PRR12: variants seen among roughly 807,000 people sequenced by gnomAD.
PRR12 encodes the protein proline rich 12.
In PRR12, 12 loss-of-function variants were observed where a neutral mutation model predicts 138.0. The ratio of observed to expected loss-of-function variants is 0.09; its 90% CI spans 0.06 to 0.14. PRR12 has a LOEUF of 0.14. Among genes scored for constraint, PRR12 ranks in the 10% least tolerant of loss-of-function variants. The probability of loss-of-function intolerance (pLI) is 1.00; values close to 1 mark genes in which losing one functional copy is unlikely to be tolerated. For missense variants in PRR12, 2,692 were observed against 2,861.3 expected (o/e 0.94, Z 1.35); for synonymous variants, 1,567 against 1,291.7 (o/e 1.21, Z -4.57).
At chr19:49,607,361 G>GCACACACACA (rs72175242) in intron 6 of PRR12, among the ~76,000 whole-genome samples, 3 of 147,760 alleles carry the variant, frequency 2.0e-5, no homozygotes, top group African/African-American at 7.6e-5. Flanking sequence ...ATGTACGTGT[G>GCACACACACA]CACACACACA....
Position 49,616,638 on chromosome 19 carries a change from G to T in PRR12, c.5497+419G>T, listed in dbSNP as rs1261989482. Among the ~76,000 whole-genome samples, 2 of 152,132 alleles carry T rather than the reference G, an allele frequency of 1.3e-5. No homozygotes were observed. Among genetic ancestry groups the T allele is most frequent in the African/African-American group, 2.4e-5 (1 of 41,428 alleles). On this transcript the variant is annotated intron_variant, in intron 9 of 13. Coordinates refer to ENST00000418929, the MANE Select transcript of PRR12 (RefSeq NM_020719.3). The surrounding 1 kb of genome is among the most constrained non-coding windows in gnomAD (Gnocchi z 4.2). ...GTGGGACTAGGCAGCTGTCCTGGAG[G>T]CTCTGTGATGGTGGGGTTTCCTGTG...
Position 49,625,481 on chromosome 19 carries a change from C to T in PRR12, c.5985C>T (p.Gly1995=), listed in dbSNP as rs751396785. The part of the protein sequence containing the change: ...CRDQTLAIEG[G]AEDLGQEEVV... ...TGCAGACCCTGGCCATCGAGGGCGGCGCCGAGGACCTGGGCCAGGAGGAGG... is the reference window on the plus strand; with the variant it reads ...TGCAGACCCTGGCCATCGAGGGCGGTGCCGAGGACCTGGGCCAGGAGGAGG... Residue 1995 remains glycine, a synonymous_variant, in exon 14 of 14, where the codon GGC becomes GGT. Coordinates refer to ENST00000418929, the MANE Select transcript of PRR12 (RefSeq NM_020719.3). The surrounding 1 kb of genome is among the most constrained non-coding windows in gnomAD (Gnocchi z 5.5). The T allele has an allele frequency of 3.4e-5, 55 of 1,608,646 alleles. No homozygotes were observed. The highest frequency in any genetic ancestry group is 2.0e-4 in the Admixed American group (12 of 59,442).
intron 6 of PRR12, among the ~76,000 whole-genome samples, chr19:49,611,628 TAA>T (rs528800605): frequency 7.3e-5 from 7 of 96,364 alleles, no homozygotes; most frequent in African/African-American, 1.2e-4. Flanking sequence ...AAACTCTATC[TAA>T]AAAAAAAAAA....
rs1337577773 is a variant in PRR12, at chr19:49,599,748, A to G, written c.4155A>G (p.Glu1385=). ...ETLPSFSSDE[E]DSVAKNRDLQ... is the part of the protein sequence containing the mutation. Reference sequence around the variant, plus strand: ...TGCCCTCCTTCTCCTCGGATGAGGAAGACTCTGTCGCCAAGAACCGAGACC... The same window carrying G: ...TGCCCTCCTTCTCCTCGGATGAGGAGGACTCTGTCGCCAAGAACCGAGACC... Residue 1385 remains glutamate (E), a synonymous_variant, in exon 5 of 14, where the codon GAA becomes GAG. Transcript: ENST00000418929. This position sits in a 1 kb window ranked among gnomAD's most constrained non-coding sequence, Gnocchi z 5.0. The G allele has an allele frequency of 6.2e-7, 1 of 1,613,596 alleles. No homozygotes were observed. The highest frequency in any genetic ancestry group is 8.5e-7 in the Non-Finnish European group (1 of 1,179,872).
rs977735748 is a variant in PRR12 at position 49,597,623 on chromosome 19, C to A, written c.3288C>A (p.Ala1096=). ...TCCAGACCCCCAAGAAGCTGTACGCCCAGGAGTACGAGTTCGAGGCGGACG... is the reference window on the plus strand; with the variant it reads ...TCCAGACCCCCAAGAAGCTGTACGCACAGGAGTACGAGTTCGAGGCGGACG... ...PPFQTPKKLY[A]QEYEFEADED... is the part of the protein sequence containing the mutation. Residue 1096 remains alanine (A), a synonymous_variant, in exon 4 of 14, where the codon GCC becomes GCA. Transcript: ENST00000418929. The surrounding 1 kb of genome is among the most constrained non-coding windows in gnomAD (Gnocchi z 6.3). 1.9e-6 allele frequency: 3 copies of A among 1,610,066 alleles called. No homozygotes were observed. Among genetic ancestry groups the A allele is most frequent in the African/African-American group, 2.7e-5 (2 of 74,856 alleles).
At chr19:49,602,427 G>A (rs529220446) in intron 6 of PRR12, among the ~76,000 whole-genome samples, 7 of 152,286 alleles carry the variant, frequency 4.6e-5, no homozygotes, top group Non-Finnish European at 1.0e-4. Context: ...GGCCGGACGC[G>A]GCAGCTTACA....
In PRR12 at chr19:49,594,679, G is replaced by A. The variant is rs751802253; in HGVS notation, c.362-18G>A. The A allele has an allele frequency of 6.8e-6, 11 of 1,610,920 alleles. 1 individual carries two copies. The highest frequency in any genetic ancestry group is 3.3e-5 in the South Asian group (3 of 91,048). ...TGGCTCGCTGTTCTCTCTGACGCGC[G>A]GTCTTCCTCATCTCCAGCCATGCAC... On this transcript the variant is annotated intron_variant, in intron 3 of 13. Transcript: ENST00000418929. The surrounding 1 kb of genome is among the most constrained non-coding windows in gnomAD (Gnocchi z 5.6).
At chr19:49,593,273 C>T in intron 1 of PRR12, 54 bp from the exon 2 acceptor site, 2 of 867,888 alleles carry the variant, frequency 2.3e-6, no homozygotes, top group Non-Finnish European at 3.6e-6. Flanking sequence ...TTCTGAGCTT[C>T]CTTCTCAGAA....
intron 6 of PRR12, among the ~76,000 whole-genome samples, chr19:49,609,297 C>G (rs2080853730): frequency 6.6e-6 from 1 of 151,936 alleles, no homozygotes; most frequent in Non-Finnish European, 1.5e-5. Context: ...CGGAGTGAGA[C>G]CGTCTCAAAA....
rs775080710 is a variant in PRR12, at chr19:49,621,526, C to T, written c.5625C>T (p.Asp1875=). ...DMIQALEDTH[D]ELYLPPMRKI... ...TGATACCATGTCCTCGTCCATCAGA[C>T]GAGCTGTACCTGCCCCCCATGCGGA... is the stretch of plus-strand genomic sequence containing the variant. Residue 1875 remains aspartate, a splice_region_variant and synonymous_variant, in exon 11 of 14, where the codon GAC becomes GAT. Transcript: ENST00000418929. The T allele has an allele frequency of 1.2e-5, 19 of 1,602,004 alleles. No homozygotes were observed. Among genetic ancestry groups the T allele is most frequent in the South Asian group, 5.6e-5 (5 of 88,674 alleles).
chr19:49,595,227 G>GGCCCC lies in PRR12; in HGVS notation c.892_893insGCCCC (p.Ala298GlyfsTer19). The stretch of plus-strand genomic sequence containing the variant: ...CAAGCACTACCAGCGGCCAGCCAGT[G>GGCCCC]CCCAGCCCCCACCACCCCCGCCACC... On this transcript the variant is annotated frameshift_variant, in exon 4 of 14. Coordinates refer to ENST00000418929, the MANE Select transcript of PRR12 (RefSeq NM_020719.3). LOFTEE classifies it high-confidence loss of function. 1.4e-5 allele frequency: 22 copies of GGCCCC among 1,552,216 alleles called. No individual in the cohort carries two copies. Among genetic ancestry groups the GGCCCC allele is most frequent in the Non-Finnish European group, 1.7e-5 (20 of 1,149,002 alleles).
rs2080915513 is a variant in PRR12, at chr19:49,620,355, G to A, written c.5501G>A (p.Arg1834Gln). 1.2e-6 allele frequency: 2 copies of A among 1,613,128 alleles called. No individual in the cohort carries two copies. The highest frequency in any genetic ancestry group is 1.7e-6 in the Non-Finnish European group (2 of 1,179,576). The change falls in exon 10 of 14, where the codon CGG becomes CAG. Residue 1834 changes from arginine to glutamine, a missense_variant. By Grantham distance (43) the Arg-to-Gln change is conservative (BLOSUM62 1). Transcript: ENST00000418929. ...CTGCGTCCTGTCTTTTCTGCAGAGC[G>A]GGCAGTACCTGGGCGTCTGCTCAAA... ...SSPGAPSEDERAVPGRLLKTR... is the reference protein window; with the variant it reads ...SSPGAPSEDEQAVPGRLLKTR...
At position 49,601,614 on chromosome 19, in the gene PRR12, C is replaced by A. The variant is rs1599790869; in HGVS notation, c.4469C>A (p.Ala1490Asp). Residue 1490 changes from alanine (A) to aspartate (D), a missense_variant, in exon 6 of 14, where the codon GCC (alanine) becomes GAC (aspartate). By Grantham distance (126) the Ala-to-Asp change is moderately radical (BLOSUM62 -2). Coordinates refer to ENST00000418929, the MANE Select transcript of PRR12 (RefSeq NM_020719.3). ...PALPSPPPLV[A>D]PTPSSPPPPP... ...CTGCCCTCGCCACCCCCGCTGGTGG[C>A]CCCCACGCCCAGCTCACCACCGCCA... The A allele has an allele frequency of 6.5e-7, 1 of 1,542,076 alleles. No homozygotes were observed. Among genetic ancestry groups the A allele is most frequent in the Non-Finnish European group, 8.7e-7 (1 of 1,145,114 alleles).
In PRR12 at chr19:49,625,534, C is replaced by T. The variant is rs1319246946; in HGVS notation, c.6038C>T (p.Pro2013Leu). 25 of 1,612,592 alleles carry T rather than the reference C, an allele frequency of 1.6e-5. No individual in the cohort carries two copies. Among genetic ancestry groups the T allele is most frequent in the Admixed American group, 5.0e-5 (3 of 59,916 alleles). Residue 2013 changes from proline to leucine, a missense_variant, in exon 14 of 14, where the codon CCG becomes CTG. Physicochemically the swap from Pro to Leu is moderately conservative, Grantham distance 98. Transcript: ENST00000418929. This position sits in a 1 kb window ranked among gnomAD's most constrained non-coding sequence, Gnocchi z 5.5. ...EVVQQCMRNQ[P>L]WLEQLFDSFS... ...GTCCAGCAGTGCATGCGGAACCAGC[C>T]GTGGCTGGAACAGCTCTTTGACTCC... is the stretch of plus-strand genomic sequence containing the variant.
Position 49,616,100 on chromosome 19 carries a change from C to T in PRR12, c.5378C>T (p.Pro1793Leu). The change falls in exon 9 of 14, where the codon CCG (proline) becomes CTG (leucine). Residue 1793 changes from proline (P) to leucine (L), a missense_variant. Around this residue, in one of 11 missense-constraint regions of PRR12, gnomAD observed 259 missense variants for 265.1 expected, o/e 0.98. Coordinates refer to ENST00000418929, the MANE Select transcript of PRR12 (RefSeq NM_020719.3). The surrounding 1 kb of genome is among the most constrained non-coding windows in gnomAD (Gnocchi z 4.2). The part of the protein sequence containing the change: ...KARPTKVKAE[P>L]PPKKRKKWLK... ...CGGCCTACCAAGGTGAAGGCTGAAC[C>T]GCCCCCTAAGAAGAGGAAGAAATGG... is the stretch of plus-strand genomic sequence containing the variant. The T allele has an allele frequency of 6.4e-7, 1 of 1,567,306 alleles. No individual in the cohort carries two copies. Among genetic ancestry groups the T allele is most frequent in the Non-Finnish European group, 8.6e-7 (1 of 1,156,714 alleles).
chr19:49,623,262 G>C (rs970752773), intron 11 of PRR12, among the ~76,000 whole-genome samples: 1 of 152,038 alleles, frequency 6.6e-6, no homozygotes, highest in East Asian at 1.9e-4. Flanking sequence ...GTTACACTAG[G>C]GTAGATAATC....
In PRR12 at chr19:49,601,819, T is replaced by G. The variant is rs1297685813; in HGVS notation, c.4674T>G (p.Cys1558Trp). The G allele has an allele frequency of 5.6e-6, 9 of 1,612,364 alleles. No individual in the cohort carries two copies. The highest frequency in any genetic ancestry group is 6.8e-6 in the Non-Finnish European group (8 of 1,179,842). ...LAKKQETAAVCGETDEEAGES... is the reference protein window; with the variant it reads ...LAKKQETAAVWGETDEEAGES... ...AAAAGCAGGAGACGGCGGCAGTGTG[T>G]GGGGAGACGGACGAGGAGGCCGGCG... The change falls in exon 6 of 14, where the codon TGT becomes TGG. Residue 1558 changes from cysteine (C) to tryptophan (W), a missense_variant. By Grantham distance (215) the Cys-to-Trp change is radical (BLOSUM62 -2). Transcript: ENST00000418929.
At chr19:49,620,616 G>C in intron 10 of PRR12, 139 bp downstream of exon 10, 3 of 1,288,308 alleles carry the variant, frequency 2.3e-6, no homozygotes, top group African/African-American at 1.5e-5. Flanking sequence ...CTGAGGCCTG[G>C]ACCTGGGTCT....
In PRR12 at chr19:49,591,328, C is replaced by T. The variant is rs2080723357; in HGVS notation, c.-327C>T. Among the ~76,000 whole-genome samples the T allele has an allele frequency of 6.6e-6, 1 of 151,006 alleles. No homozygotes were observed. The highest frequency in any genetic ancestry group is 2.0e-4 in the East Asian group (1 of 5,030). Reference sequence around the variant, plus strand: ...GGGACGCCCCCTCCCGAGCGCGCGCCCCCCCTTTTCTCTCGCAAGCGCCGG... The same window carrying T: ...GGGACGCCCCCTCCCGAGCGCGCGCTCCCCCTTTTCTCTCGCAAGCGCCGG... On this transcript the variant is annotated 5_prime_UTR_variant, in exon 1 of 14. Coordinates refer to ENST00000418929, the MANE Select transcript of PRR12 (RefSeq NM_020719.3).
Sources: gnomAD v4.1 joint callset for allele counts (sites outside exome capture counted in the v4.1 genomes callset) on GRCh38, gnomAD v4.1.1 for gene constraint, gnomAD v4.1.1 regional missense constraint, Gnocchi (gnomAD v3.1) non-coding constraint, MANE v1.5 for transcripts, NCBI Gene and HGNC (gene_info 2026-07-23, HGNC 2026-07-21) for gene names.